The following TMC5 variants were observed in gnomAD, a reference collection of about 807,000 sequenced individuals.
The protein encoded by TMC5 is transmembrane channel-like protein 5.
A neutral mutation model predicts 110.5 loss-of-function variants in TMC5; 86 were observed. That is an observed-to-expected ratio of 0.78 (90% CI 0.65 to 0.93). The LOEUF is 0.93. Among genes scored for constraint, TMC5 ranks in the 40% least tolerant of loss-of-function variants. The pLI, the probability that TMC5 is intolerant of heterozygous loss-of-function variation, is 0.00. For missense variants in TMC5, 1,144 were observed against 1,222.8 expected (o/e 0.94, Z 0.96); for synonymous variants, 455 against 439.5 (o/e 1.04, Z -0.44).
chr16:19,477,024 A>C (rs1339666123), intron 12 of TMC5: 1 of 189,166 alleles, frequency 5.3e-6, no homozygotes, highest in Non-Finnish European at 1.1e-5. Context: ...AGGCGGGTGG[A>C]TCACGAGGTC....
Position 19,444,159 on chromosome 16 carries a change from G to A in TMC5, c.867G>A (p.Glu289=). 6.2e-7 allele frequency: 1 copy of A among 1,614,066 alleles called. No homozygotes were observed. The highest frequency in any genetic ancestry group is 8.5e-7 in the Non-Finnish European group (1 of 1,180,018). ...ACCCCGTGGGCAGTCTTTGGGGAGAGAATGATTACCCTGAAGGCATTGAAA... is the reference window on the plus strand; with the variant it reads ...ACCCCGTGGGCAGTCTTTGGGGAGAAAATGATTACCCTGAAGGCATTGAAA... The part of the protein sequence containing the change: ...SDDPVGSLWG[E]NDYPEGIEMA... Residue 289 remains glutamate (E), a synonymous_variant, in exon 4 of 22, where the codon GAG becomes GAA. Coordinates refer to ENST00000542583, the MANE Select transcript of TMC5 (RefSeq NM_001261841.2).
chr16:19,467,639 G>A (rs912253733), intron 9 of TMC5, among the ~76,000 whole-genome samples: 2 of 151,948 alleles, frequency 1.3e-5, no homozygotes, highest in African/African-American at 2.4e-5. Flanking sequence ...GTGCCACCAC[G>A]TCCGACTAAT....
chr16:19,419,699 A>G (rs1597154262), intron 1 of TMC5, among the ~76,000 whole-genome samples: 1 of 152,070 alleles, frequency 6.6e-6, no homozygotes, highest in African/African-American at 2.4e-5. Flanking sequence ...GGCGTGAGCC[A>G]CCGCGCCGGG....
intron 17 of TMC5, among the ~76,000 whole-genome samples, chr16:19,489,704 C>T (rs1219828226): frequency 2.1e-5 from 3 of 145,222 alleles, no homozygotes; most frequent in South Asian, 2.2e-4. Context: ...AGGCTGGTCT[C>T]GAACTCTTGG....
At chr16:19,422,206 G>A (rs9302381) in intron 1 of TMC5, among the ~76,000 whole-genome samples, 8,123 of 151,384 alleles carry the variant, frequency 0.054, 735 homozygotes, top group African/African-American at 0.19. Flanking sequence ...ACTCCAGCCC[G>A]GGCAACAGAG....
At position 19,417,919 on chromosome 16, in the gene TMC5, C is replaced by T. The variant is rs62023758; in HGVS notation, c.-481C>T. On this transcript the variant is annotated 5_prime_UTR_variant, in exon 1 of 22. The change creates a new upstream start codon in the 5' untranslated region. Coordinates refer to ENST00000542583, the MANE Select transcript of TMC5 (RefSeq NM_001261841.2). ...TGATCTTCGTGGCTTCCCGCCCAGA[C>T]GTGTGACCAAGATAGCAAGGAGCAG... 0.092 allele frequency: 13,948 copies of T among 152,168 alleles called. 680 individuals are homozygous for T. Among genetic ancestry groups the T allele is most frequent in the South Asian group, 0.16 (782 of 4,818 alleles). 9.4% of individuals were successfully genotyped at this position (152,168 alleles called of 1,614,324 possible). A position where few individuals can be genotyped will look rare whatever the true frequency, so the allele number is the denominator to read the frequency against.
rs57901281 is a variant in TMC5, at chr16:19,471,085, AT to A, written c.1783-991del. ...GATTTTATAAATAAAGGGGCTTTAA[AT>A]TTTTTTTTTTTATGATTTTCGAGAC... On this transcript the variant is annotated intron_variant, in intron 10 of 21. Transcript: ENST00000542583. Among the ~76,000 whole-genome samples the A allele has an allele frequency of 2.5e-4, 37 of 147,976 alleles. No homozygotes were observed. The East Asian group carries it at 4.7e-3, about 19-fold the overall frequency.
intron 10 of TMC5, among the ~76,000 whole-genome samples, chr16:19,470,194 G>GTT (rs557157686): frequency 0.043 from 5,174 of 119,544 alleles, 317 homozygotes; most frequent in African/African-American, 0.14. Context: ...GCGCCCAGCT[G>GTT]TTTTTTTTTT....
intron 10 of TMC5, among the ~76,000 whole-genome samples, chr16:19,471,702 G>C (rs1968345955): frequency 6.6e-6 from 1 of 152,108 alleles, no homozygotes; most frequent in Admixed American, 6.6e-5. Context: ...ATCTTTGCTA[G>C]CAGTGGAGAG....
chr16:19,419,264 G>A (rs1286924655), intron 1 of TMC5, among the ~76,000 whole-genome samples: 5 of 152,180 alleles, frequency 3.3e-5, no homozygotes, highest in Middle Eastern at 3.4e-3. Flanking sequence ...ATGCATGTCA[G>A]CACTCAATAA....
intron 6 of TMC5, among the ~76,000 whole-genome samples, chr16:19,461,031 A>G (rs1968008838): frequency 6.6e-6 from 1 of 152,196 alleles, no homozygotes; most frequent in Non-Finnish European, 1.5e-5. Context: ...TGACAAGTAA[A>G]TGCAATGTGG....
chr16:19,495,759 A>C (rs1363530760), intron 20 of TMC5, among the ~76,000 whole-genome samples: 1 of 151,912 alleles, frequency 6.6e-6, no homozygotes, highest in African/African-American at 2.4e-5. Flanking sequence ...GGACTGCTCA[A>C]ACCCAGGAGT....
intron 19 of TMC5, among the ~76,000 whole-genome samples, chr16:19,492,915 G>GATATATATATATATATATAAAT (rs772226428): frequency 2.3e-5 from 1 of 42,752 alleles, no homozygotes; most frequent in Non-Finnish European, 7.8e-5. Flanking sequence ...TTAAAACTTA[G>GATATATATATATATATATAAAT]ATATATATAT....
At position 19,466,021 on chromosome 16, in the gene TMC5, A is replaced by G. The variant is rs574548659; in HGVS notation, c.1486-61A>G. 5,793 of 1,586,668 alleles carry G rather than the reference A, an allele frequency of 3.7e-3. 11 individuals carry two copies. The highest frequency in any genetic ancestry group is 4.6e-3 in the Non-Finnish European group (5,393 of 1,161,756). On this transcript the variant is annotated intron_variant, in intron 8 of 21. Coordinates refer to ENST00000542583, the MANE Select transcript of TMC5 (RefSeq NM_001261841.2). ...TCAGGAGAGGTCAACTCTCATGACC[A>G]TAATCGTTTACCTTTTTTTTCAGGA...
intron 17 of TMC5, among the ~76,000 whole-genome samples, 174 bp from the exon 18 acceptor site, chr16:19,490,221 T>C (rs1968852095): frequency 6.6e-6 from 1 of 152,076 alleles, no homozygotes; most frequent in Non-Finnish European, 1.5e-5. Flanking sequence ...GTCCTTAGAG[T>C]ACAGGTCACC....
intron 4 of TMC5, among the ~76,000 whole-genome samples, chr16:19,447,981 T>G (rs143708379): frequency 6.2e-4 from 94 of 152,124 alleles, no homozygotes; most frequent in South Asian, 1.5e-3. Flanking sequence ...CAGAAGGTCT[T>G]GCAATGTAAT....
At chr16:19,487,659 A>G (rs1968781674) in intron 17 of TMC5, among the ~76,000 whole-genome samples, 2 of 151,914 alleles carry the variant, frequency 1.3e-5, no homozygotes, top group South Asian at 4.2e-4. Context: ...CCAAGATTGC[A>G]CCATTGCGCT....
chr16:19,470,396 A>G (rs1355776430), intron 10 of TMC5, among the ~76,000 whole-genome samples: 1 of 151,954 alleles, frequency 6.6e-6, no homozygotes, highest in Non-Finnish European at 1.5e-5. Context: ...TATATTGGCC[A>G]GGCTGGTCTC....
At chr16:19,422,729 G>A (rs1967012124) in intron 1 of TMC5, among the ~76,000 whole-genome samples, 1 of 152,104 alleles carries the variant, frequency 6.6e-6, no homozygotes, top group African/African-American at 2.4e-5. Context: ...GGGGGGCCGA[G>A]GTGGGTGGAT....
Sources: gnomAD v4.1 joint callset for allele counts (sites outside exome capture counted in the v4.1 genomes callset) on GRCh38, gnomAD v4.1.1 for gene constraint, MANE v1.5 for transcripts, NCBI Gene and HGNC (gene_info 2026-07-23, HGNC 2026-07-21) for gene names.